The following RAP1GDS1 variants were observed in gnomAD, a reference collection of about 807,000 sequenced individuals.
RAP1GDS1 encodes Rap1 GTPase-GDP dissociation stimulator 1.
RAP1GDS1 carries 35 observed loss-of-function variants against 71.1 expected under a neutral mutation model. The ratio of observed to expected loss-of-function variants is 0.49; its 90% confidence interval spans 0.38 to 0.65. The LOEUF (loss-of-function observed/expected upper bound fraction) is 0.65, where lower values mean the gene tolerates loss of function less well. Among genes scored for constraint, RAP1GDS1 ranks in the 30% least tolerant of loss-of-function variants. The pLI is 0.00. For synonymous variants in RAP1GDS1, 229 were observed against 243.1 expected (o/e 0.94, Z 0.54); for missense variants, 663 against 706.1 (o/e 0.94, Z 0.69).
intron 1 of RAP1GDS1, among the ~76,000 whole-genome samples, chr4:98,281,404 C>T (rs942231576): frequency 2.0e-5 from 3 of 151,966 alleles, no homozygotes; most frequent in African/African-American, 7.3e-5. Context: ...CATGATTTGG[C>T]TGTTTGTCTG....
At chr4:98,378,037 T>C (rs1439235442) in intron 4 of RAP1GDS1, among the ~76,000 whole-genome samples, 1 of 151,870 alleles carries the variant, frequency 6.6e-6, no homozygotes, top group Admixed American at 6.6e-5. Flanking sequence ...TTGAATAAAA[T>C]ATTACTAAAA....
At position 98,283,598 on chromosome 4, in the gene RAP1GDS1, C is replaced by T. The variant is rs560169765; in HGVS notation, c.5-9810C>T. Reference sequence around the variant, plus strand: ...GATTGTCAAGAGAAAACACAGACCCCTAAGAATTTAATTAAGAGGACAGAT... The same window carrying T: ...GATTGTCAAGAGAAAACACAGACCCTTAAGAATTTAATTAAGAGGACAGAT... On this transcript the variant is annotated intron_variant, in intron 1 of 14. Coordinates refer to ENST00000408927, the MANE Select transcript of RAP1GDS1 (RefSeq NM_001100427.2). Among the ~76,000 whole-genome samples the T allele has an allele frequency of 2.0e-5, 3 of 152,200 alleles. No individual in the cohort carries two copies. In the South Asian group the frequency reaches 6.2e-4, roughly 31 times the overall value.
chr4:98,333,753 C>G (rs1734321235), intron 2 of RAP1GDS1, among the ~76,000 whole-genome samples: 1 of 152,000 alleles, frequency 6.6e-6, no homozygotes, highest in Non-Finnish European at 1.5e-5. Flanking sequence ...AGTTATTTTT[C>G]TTTTAACCAT....
chr4:98,294,158 C>T (rs980026991), intron 2 of RAP1GDS1, among the ~76,000 whole-genome samples: 2 of 151,906 alleles, frequency 1.3e-5, no homozygotes, highest in Non-Finnish European at 1.5e-5. Context: ...TGTATTATCA[C>T]CATTAATAGA....
chr4:98,317,828 T>TA (rs201550523), intron 2 of RAP1GDS1, among the ~76,000 whole-genome samples: 9,237 of 147,786 alleles, frequency 0.063, 325 homozygotes, highest in Admixed American at 0.13. Flanking sequence ...ATATATATAT[T>TA]TTTTTTTCTT....
intron 4 of RAP1GDS1, among the ~76,000 whole-genome samples, chr4:98,359,661 G>T (rs1161769640): frequency 1.3e-5 from 2 of 152,204 alleles, no homozygotes; most frequent in Admixed American, 6.6e-5. Context: ...ATCCATTAAT[G>T]TATAGTGTGC....
chr4:98,292,302 A>T (rs1270009391), intron 1 of RAP1GDS1, among the ~76,000 whole-genome samples: 2 of 151,538 alleles, frequency 1.3e-5, no homozygotes, highest in African/African-American at 4.9e-5. Flanking sequence ...TAATTTTTTT[A>T]TTTTTATTTT....
At chr4:98,334,354 CAT>C (rs1345850140) in intron 2 of RAP1GDS1, among the ~76,000 whole-genome samples, 2 of 152,074 alleles carry the variant, frequency 1.3e-5, no homozygotes, top group Admixed American at 1.3e-4. Context: ...CTCAGTTTCA[CAT>C]GAGTTTAGGG....
At chr4:98,441,258 C>T (rs1561026552) in intron 14 of RAP1GDS1, 1 of 830,242 alleles carries the variant, frequency 1.2e-6, no homozygotes, top group Admixed American at 6.2e-5. Flanking sequence ...TATTAGACTT[C>T]ACTCATCCCA....
At chr4:98,365,102 A>AGT (rs1420780568) in intron 4 of RAP1GDS1, among the ~76,000 whole-genome samples, 1 of 152,158 alleles carries the variant, frequency 6.6e-6, no homozygotes, top group Admixed American at 6.5e-5. Context: ...TCTGTAGAGA[A>AGT]GTGTGTGAAA....
chr4:98,281,705 T>C (rs1211934500), intron 1 of RAP1GDS1, among the ~76,000 whole-genome samples: 1 of 152,210 alleles, frequency 6.6e-6, no homozygotes, highest in African/African-American at 2.4e-5. Flanking sequence ...AAGGGAATGC[T>C]TCCAGTTTTT....
chr4:98,384,929 A>G (rs962387456), intron 5 of RAP1GDS1, among the ~76,000 whole-genome samples: 1 of 151,728 alleles, frequency 6.6e-6, no homozygotes, highest in Non-Finnish European at 1.5e-5. Context: ...AATACCACAT[A>G]GATGCCCACT....
At chr4:98,332,426 CAG>C (rs913710529) in intron 2 of RAP1GDS1, among the ~76,000 whole-genome samples, 1 of 151,972 alleles carries the variant, frequency 6.6e-6, no homozygotes, top group African/African-American at 2.4e-5. Context: ...GTCACAAAAA[CAG>C]AGTTAGAACT....
chr4:98,330,892 G>C (rs1733902393), intron 2 of RAP1GDS1, among the ~76,000 whole-genome samples: 1 of 152,228 alleles, frequency 6.6e-6, no homozygotes. Flanking sequence ...TTCCTAGATG[G>C]GCTGGCAGCT....
intron 2 of RAP1GDS1, among the ~76,000 whole-genome samples, chr4:98,295,795 G>C (rs1234699286): frequency 6.6e-6 from 1 of 151,774 alleles, no homozygotes; most frequent in Non-Finnish European, 1.5e-5. Context: ...TATTAAAGTG[G>C]ATAAGCCTGT....
intron 2 of RAP1GDS1, among the ~76,000 whole-genome samples, chr4:98,340,556 T>TA (rs1735344022): frequency 6.6e-6 from 1 of 152,060 alleles, no homozygotes; most frequent in Non-Finnish European, 1.5e-5. Flanking sequence ...AAGACCAGCC[T>TA]GGCCAACATA....
Position 98,416,639 on chromosome 4 carries a change from C to G in RAP1GDS1, c.764-106C>G. The G allele has an allele frequency of 2.7e-6, 3 of 1,098,106 alleles. No homozygotes were observed. In the South Asian group the frequency reaches 5.8e-5, roughly 21 times the overall value. 68.0% of individuals were successfully genotyped at this position (1,098,106 alleles called of 1,614,324 possible). On this transcript the variant is annotated intron_variant, in intron 7 of 14. Transcript: ENST00000408927. ...TGCTGGGATTACAGGCGTGAGCCAC[C>G]GCACCTGGCCCTCTTAGTTTCTTAT...
At chr4:98,308,297 CTATATATA>C (rs779815305) in intron 2 of RAP1GDS1, among the ~76,000 whole-genome samples, 1,741 of 73,190 alleles carry the variant, frequency 0.024, 56 homozygotes, top group African/African-American at 0.076. Context: ...CACACACACA[CTATATATA>C]TATATATATA....
chr4:98,384,309 A>G (rs1033272123), intron 5 of RAP1GDS1, among the ~76,000 whole-genome samples: 6 of 151,624 alleles, frequency 4.0e-5, no homozygotes, highest in Non-Finnish European at 8.9e-5. Flanking sequence ...GGGCAGCTGA[A>G]AAGTACTTAG....
Sources: allele counts gnomAD v4.1 joint callset (sites outside exome capture counted in the v4.1 genomes callset), GRCh38; gene constraint gnomAD v4.1.1; transcripts MANE v1.5; gene names NCBI Gene and HGNC (gene_info 2026-07-23, HGNC 2026-07-21).